The following TNIP1 variants were observed in gnomAD, a reference collection of about 807,000 sequenced individuals.
TNIP1 encodes TNFAIP3 interacting protein 1.
In TNIP1, 22 loss-of-function variants were observed where a neutral mutation model predicts 86.6. That is an observed-to-expected ratio of 0.25 (90% CI 0.18 to 0.36). The LOEUF is 0.36. Among genes scored for constraint, TNIP1 ranks in the 10% least tolerant of loss-of-function variants. The pLI is 1.00. For missense variants in TNIP1, 709 were observed against 820.6 expected (o/e 0.86, Z 1.66); for synonymous variants, 294 against 313.0 (o/e 0.94, Z 0.64).
In TNIP1 at chr5:151,039,228, G is replaced by A. The variant is rs200459683; in HGVS notation, c.1135-3C>T. 9.9e-6 allele frequency: 16 copies of A among 1,610,928 alleles called. No homozygotes were observed. The highest frequency in any genetic ancestry group is 2.2e-5 in the East Asian group (1 of 44,876). ...GCTGTCAGCTGCTCCTTGTCGGTCTGCAGGGAATACAAGGTTGGTAAGCTG... is the reference window on the plus strand; with the variant it reads ...GCTGTCAGCTGCTCCTTGTCGGTCTACAGGGAATACAAGGTTGGTAAGCTG... On this transcript the variant is annotated splice_polypyrimidine_tract_variant and splice_region_variant and intron_variant, in intron 11 of 17. Transcript: ENST00000521591.
At chr5:151,034,927 T>G in intron 15 of TNIP1, 75 bp downstream of exon 15, 2 of 1,544,502 alleles carry the variant, frequency 1.3e-6, no homozygotes, top group South Asian at 2.3e-5. Context: ...GAGCACACAC[T>G]GTGCATCCAT....
intron 17 of TNIP1, 37 bp downstream of exon 17, chr5:151,032,250 C>T: frequency 6.5e-7 from 1 of 1,549,684 alleles, no homozygotes; most frequent in South Asian, 1.1e-5. Context: ...ATATTATCTC[C>T]CCCAGGGAGG....
intron 6 of TNIP1, among the ~76,000 whole-genome samples, chr5:151,054,747 C>A (rs34038142): frequency 0.022 from 3,305 of 152,272 alleles, 49 homozygotes; most frequent in South Asian, 0.061. Flanking sequence ...TAGCAGAGAG[C>A]CTTATGCTAT....
chr5:151,067,237 T>C (rs1255335952), intron 1 of TNIP1, among the ~76,000 whole-genome samples: 1 of 152,216 alleles, frequency 6.6e-6, no homozygotes, highest in Non-Finnish European at 1.5e-5. Flanking sequence ...GGGCTGCACT[T>C]AGCACTGGAA....
At position 151,030,495 on chromosome 5, in the gene TNIP1, C is replaced by T. The variant is rs1431875617; in HGVS notation, c.*218G>A. 1.5e-6 allele frequency: 1 copy of T among 662,554 alleles called. No individual in the cohort carries two copies. Among genetic ancestry groups the T allele is most frequent in the African/African-American group, 1.8e-5 (1 of 54,766 alleles). The allele number at this position is 662,554 out of a possible 1,614,324, so 41.0% of individuals were successfully genotyped here. ...CAGCAGGGAAGGAGTTTTTCCCAGTCACTCCCAGCAGAGTACAAATGAAAG... is the reference window on the plus strand; with the variant it reads ...CAGCAGGGAAGGAGTTTTTCCCAGTTACTCCCAGCAGAGTACAAATGAAAG... On this transcript the variant is annotated 3_prime_UTR_variant, in exon 18 of 18. Transcript: ENST00000521591.
intron 5 of TNIP1, among the ~76,000 whole-genome samples, chr5:151,059,805 GAGA>G (rs1561512320): frequency 3.0e-4 from 34 of 112,114 alleles, no homozygotes; most frequent in African/African-American, 1.4e-3. Context: ...GAGAGAGAGA[GAGA>G]GAGAGAGAGA....
chr5:151,057,038 C>T, intron 5 of TNIP1, 81 bp from the exon 6 acceptor site: 1 of 1,269,150 alleles, frequency 7.9e-7, no homozygotes, highest in East Asian at 3.0e-5. Flanking sequence ...TCTGCTTCCT[C>T]ATTTCTCATG....
At chr5:151,057,917 C>A (rs116277959) in intron 5 of TNIP1, among the ~76,000 whole-genome samples, 1 of 152,150 alleles carries the variant, frequency 6.6e-6, no homozygotes, top group Non-Finnish European at 1.5e-5. Context: ...GGGACTTGAG[C>A]ATCCATGGAT....
chr5:151,087,197 T>G (rs1272228243), upstream of TNIP1: 1 of 152,628 alleles, frequency 6.6e-6, no homozygotes, highest in African/African-American at 2.4e-5. Flanking sequence ...GAGCTGACTA[T>G]TAGGCAGGAG....
intron 1 of TNIP1, among the ~76,000 whole-genome samples, 173 bp downstream of exon 1, chr5:151,080,707 A>G (rs1484478187): frequency 6.6e-6 from 1 of 152,146 alleles, no homozygotes; most frequent in Non-Finnish European, 1.5e-5. Flanking sequence ...AGCAGGGAGT[A>G]GCGGCTCAGC....
Position 151,054,760 on chromosome 5 carries a change from C to T in TNIP1, c.627+2006G>A, listed in dbSNP as rs1451118034. 3.9e-5 allele frequency among the ~76,000 whole-genome samples: 6 copies of T among 152,266 alleles called. 1 individual carries two copies. The highest frequency in any genetic ancestry group is 3.9e-4 in the Admixed American group (6 of 15,296). ...CCTAGCAGAGAGCCTTATGCTATAC[C>T]TGACCTTGAATATGTTTGTTTAGTG... On this transcript the variant is annotated intron_variant, in intron 6 of 17. Transcript: ENST00000521591.
intron 17 of TNIP1, among the ~76,000 whole-genome samples, chr5:151,031,509 C>G (rs1255301326): frequency 6.6e-6 from 1 of 152,210 alleles, no homozygotes; most frequent in Non-Finnish European, 1.5e-5. Flanking sequence ...GGCTCTTCAG[C>G]CTTTCATGGT....
chr5:151,034,368 G>T, intron 15 of TNIP1: 1 of 303,914 alleles, frequency 3.3e-6, no homozygotes. Flanking sequence ...GCTGGTACAT[G>T]GGCACGGAAG....
rs1244636792 is a variant in TNIP1, at chr5:151,036,862, C to A, written c.1323G>T (p.Gly441=). The A allele has an allele frequency of 6.2e-6, 10 of 1,613,402 alleles. No homozygotes were observed. The highest frequency in any genetic ancestry group is 8.5e-6 in the Non-Finnish European group (10 of 1,179,708). The part of the protein sequence containing the change: ...TPPSSPPTAF[G]SPEGAGALLR... ...GGAGGGCCCCTGCTCCTTCTGGGCT[C>A]CCAAATGCTGTTGGTGGAGATGATG... Residue 441 remains glycine, a synonymous_variant, in exon 13 of 18, where the codon GGG becomes GGT. Coordinates refer to ENST00000521591, the MANE Select transcript of TNIP1 (RefSeq NM_006058.5).
At chr5:151,069,321 G>T (rs570251637) in intron 1 of TNIP1, among the ~76,000 whole-genome samples, 1 of 152,188 alleles carries the variant, frequency 6.6e-6, no homozygotes, top group Non-Finnish European at 1.5e-5. Flanking sequence ...GGCTGGGTAG[G>T]GGGGTGGTCC....
Position 151,062,148 on chromosome 5 carries a change from T to G in TNIP1, c.336A>C (p.Pro112=). The stretch of plus-strand genomic sequence containing the variant: ...TTACACTGGATGGAGGCTTCTGGAC[T>G]GGTGCTGGCTTGTCACTGGGGCATG... The part of the protein sequence containing the change: ...APACPSDKPA[P]VQKPPSSGTS... The change falls in exon 4 of 18, where the codon CCA becomes CCC. Residue 112 remains proline, a synonymous_variant. Transcript: ENST00000521591. The G allele has an allele frequency of 6.2e-7, 1 of 1,614,168 alleles. No homozygotes were observed. The highest frequency in any genetic ancestry group is 8.5e-7 in the Non-Finnish European group (1 of 1,180,008).
chr5:151,084,399 C>T (rs930284948), upstream of TNIP1, among the ~76,000 whole-genome samples: 6 of 150,452 alleles, frequency 4.0e-5, no homozygotes, highest in East Asian at 1.9e-4. Context: ...GAGCCAAGAT[C>T]GCGCCATTGC....
chr5:151,034,320 G>C (rs1446254400), intron 15 of TNIP1, among the ~76,000 whole-genome samples: 4 of 146,812 alleles, frequency 2.7e-5, no homozygotes, highest in African/African-American at 5.1e-5. Context: ...AGAAGGCTAG[G>C]TACATGGGCA....
chr5:151,078,879 C>T (rs1183860784), intron 1 of TNIP1, among the ~76,000 whole-genome samples: 1 of 152,174 alleles, frequency 6.6e-6, no homozygotes, highest in Non-Finnish European at 1.5e-5. Flanking sequence ...CAACCTCCTA[C>T]AACGCTGCCT....
Sources: gnomAD v4.1 joint callset for allele counts (sites outside exome capture counted in the v4.1 genomes callset) on GRCh38, gnomAD v4.1.1 for gene constraint, MANE v1.5 for transcripts, NCBI Gene and HGNC (gene_info 2026-07-23, HGNC 2026-07-21) for gene names.